ADGRL2: variants seen among roughly 807,000 people sequenced by gnomAD.
ADGRL2 encodes the protein adhesion G protein-coupled receptor L2, also known as calcium-independent alpha-latrotoxin receptor 2.
ADGRL2 carries 44 observed loss-of-function variants against 157.4 expected under a neutral mutation model. The ratio of observed to expected loss-of-function variants is 0.28; its 90% CI spans 0.22 to 0.36. ADGRL2 has a LOEUF of 0.36. Among genes scored for constraint, ADGRL2 ranks in the 10% least tolerant of loss-of-function variants. The probability of loss-of-function intolerance (pLI) is 1.00; values close to 1 mark genes in which losing one functional copy is unlikely to be tolerated. For missense variants in ADGRL2, 1,510 were observed against 1,768.9 expected (o/e 0.85, Z 2.63); for synonymous variants, 585 against 624.7 (o/e 0.94, Z 0.95).
intron 2 of ADGRL2, among the ~76,000 whole-genome samples, chr1:81,544,776 G>A (rs1279119465): frequency 1.3e-5 from 2 of 152,158 alleles, no homozygotes; most frequent in Non-Finnish European, 2.9e-5. Context: ...AAACAATAGT[G>A]AGCCACTACA....
chr1:81,381,453 G>A (rs2076343223), intron 1 of ADGRL2, among the ~76,000 whole-genome samples: 1 of 152,100 alleles, frequency 6.6e-6, no homozygotes, highest in African/African-American at 2.4e-5. Flanking sequence ...TGGCACACCT[G>A]TAGTCCCAGT....
At chr1:81,431,071 G>A (rs752099091) in intron 1 of ADGRL2, among the ~76,000 whole-genome samples, 2 of 152,068 alleles carry the variant, frequency 1.3e-5, no homozygotes, top group Non-Finnish European at 2.9e-5. Context: ...AGGAAATGGG[G>A]CCCTCCAAAG....
upstream of ADGRL2, among the ~76,000 whole-genome samples, chr1:81,697,280 G>T (rs954320951): frequency 1.3e-5 from 2 of 152,152 alleles, no homozygotes. Flanking sequence ...AATTATCTAT[G>T]TCATAAGGAC....
chr1:81,928,561 T>G (rs1421347592), intron 3 of ADGRL2, among the ~76,000 whole-genome samples: 4 of 152,090 alleles, frequency 2.6e-5, no homozygotes, highest in Non-Finnish European at 4.4e-5. Flanking sequence ...GTTTCTAAAT[T>G]TTTAAAACTT....
intron 1 of ADGRL2, among the ~76,000 whole-genome samples, chr1:81,808,195 G>C (rs1284379865): frequency 6.6e-6 from 1 of 151,936 alleles, no homozygotes; most frequent in African/African-American, 2.4e-5. Context: ...ATAATTTTAT[G>C]CATTGTCTGG....
intron 2 of ADGRL2, among the ~76,000 whole-genome samples, chr1:81,768,627 C>T (rs1027966969): frequency 1.3e-5 from 2 of 151,998 alleles, no homozygotes; most frequent in East Asian, 3.9e-4. Context: ...GTGCATACCA[C>T]ATGCCCAGCT....
intron 3 of ADGRL2, among the ~76,000 whole-genome samples, chr1:81,654,343 CA>C (rs2082485460): frequency 6.6e-6 from 1 of 152,130 alleles, no homozygotes; most frequent in Admixed American, 6.5e-5. Flanking sequence ...TTGTTTGTTC[CA>C]CCTTCCATGT....
chr1:81,716,031 G>T (rs567365317), intron 1 of ADGRL2, among the ~76,000 whole-genome samples: 28 of 152,288 alleles, frequency 1.8e-4, no homozygotes, highest in African/African-American at 6.5e-4. Flanking sequence ...TGAAAATGGG[G>T]CAAGGGCAGA....
rs142657015 is a variant in ADGRL2 at position 81,316,783 on chromosome 1, T to C, written c.-302+10274T>C. Among the ~76,000 whole-genome samples the C allele has an allele frequency of 7.5e-4, 115 of 152,338 alleles. 1 individual carries two copies. Among genetic ancestry groups the C allele is most frequent in the African/African-American group, 2.5e-3 (106 of 41,578 alleles). Reference sequence around the variant, plus strand: ...TTTATGTCTTTGCTGTGTATGTATGTATGTGTATGTACCTATACTCATGCC... The same window carrying C: ...TTTATGTCTTTGCTGTGTATGTATGCATGTGTATGTACCTATACTCATGCC... On this transcript the variant is annotated intron_variant, in intron 1 of 24. Coordinates refer to the ADGRL2 transcript ENST00000370721.
intron 2 of ADGRL2, among the ~76,000 whole-genome samples, chr1:81,790,295 A>G (rs1245593579): frequency 2.6e-5 from 4 of 152,052 alleles, no homozygotes; most frequent in Non-Finnish European, 4.4e-5. Flanking sequence ...AAAAACACAC[A>G]CTCAACAGGA....
chr1:81,897,938 C>T (rs892271847), intron 2 of ADGRL2, among the ~76,000 whole-genome samples: 1 of 151,936 alleles, frequency 6.6e-6, no homozygotes, highest in African/African-American at 2.4e-5. Context: ...CCAAAATAAT[C>T]AACAGCTTAT....
chr1:81,451,327 G>C (rs1318731434), intron 2 of ADGRL2, among the ~76,000 whole-genome samples: 1 of 152,120 alleles, frequency 6.6e-6, no homozygotes, highest in Non-Finnish European at 1.5e-5. Context: ...GTATATAGCA[G>C]TAATTTCAAC....
At position 81,934,350 on chromosome 1, in the gene ADGRL2, C is replaced by T. The variant is rs74098516; in HGVS notation, c.288-2378C>T. Among the ~76,000 whole-genome samples, 804 of 152,024 alleles carry T rather than the reference C, an allele frequency of 5.3e-3. 6 individuals carry two copies. The highest frequency in any genetic ancestry group is 0.019 in the African/African-American group (776 of 41,514). On this transcript the variant is annotated intron_variant, in intron 3 of 23. Coordinates refer to ENST00000686636, the MANE Select transcript of ADGRL2 (RefSeq NM_001366006.2). ...GGAAACCAGAATGCTTATATACTTC[C>T]TGCAGAACATACCATGACATTGAGA...
chr1:81,556,934 C>T (rs2080293684), intron 2 of ADGRL2, among the ~76,000 whole-genome samples: 1 of 151,482 alleles, frequency 6.6e-6, no homozygotes, highest in African/African-American at 2.4e-5. Flanking sequence ...AAAAAATTAG[C>T]CAGGCGTGGT....
At chr1:81,735,117 G>A (rs1443027955) in intron 1 of ADGRL2, 2 of 148,308 alleles carry the variant, frequency 1.3e-5, no homozygotes, top group Admixed American at 1.3e-4. Context: ...AACATGGAGG[G>A]GAAGGTGATA....
chr1:81,501,891 A>G (rs575951920), intron 2 of ADGRL2: 1 of 1,609,936 alleles, frequency 6.2e-7, no homozygotes, highest in Non-Finnish European at 8.5e-7. Context: ...CAGATGAGAG[A>G]AGCCCAGTTC....
At chr1:81,672,072 C>G (rs1444588339) in intron 3 of ADGRL2, among the ~76,000 whole-genome samples, 1 of 152,160 alleles carries the variant, frequency 6.6e-6, no homozygotes, top group Non-Finnish European at 1.5e-5. Flanking sequence ...CAGACAACAG[C>G]CTTTCATACT....
upstream of ADGRL2, among the ~76,000 whole-genome samples, chr1:81,696,851 C>T (rs187921952): frequency 2.0e-5 from 3 of 152,154 alleles, no homozygotes. Context: ...AACTTCAGAA[C>T]AAACCAATGA....
intron 3 of ADGRL2, among the ~76,000 whole-genome samples, chr1:81,610,623 G>A (rs1345083894): frequency 1.3e-5 from 2 of 152,200 alleles, no homozygotes; most frequent in Admixed American, 6.5e-5. Flanking sequence ...TCTCTGCTGA[G>A]TGAGGAGAAC....
Sources: allele counts gnomAD v4.1 joint callset (sites outside exome capture counted in the v4.1 genomes callset), GRCh38; gene constraint gnomAD v4.1.1; transcripts MANE v1.5; gene names NCBI Gene and HGNC (gene_info 2026-07-23, HGNC 2026-07-21).